The following EPHX4 variants were observed in gnomAD, a reference collection of about 807,000 sequenced individuals.
EPHX4 encodes the protein epoxide hydrolase 4.
In EPHX4, 31 loss-of-function variants were observed where a neutral mutation model predicts 44.9. The ratio of observed to expected loss-of-function variants is 0.69; its 90% confidence interval spans 0.52 to 0.93. EPHX4 has a LOEUF of 0.93. EPHX4 is among the 40% of genes least tolerant of loss of function. The pLI is 0.00. For synonymous variants in EPHX4, 151 were observed against 159.7 expected, an observed-to-expected ratio of 0.95 and a Z score of 0.41; for missense variants, 373 against 438.1, an observed-to-expected ratio of 0.85 and a Z score of 1.33.
chr1:92,042,512 C>T (rs1570691030), intron 2 of EPHX4, among the ~76,000 whole-genome samples: 1 of 151,830 alleles, frequency 6.6e-6, no homozygotes, highest in African/African-American at 2.4e-5. Flanking sequence ...TCACTTGAGC[C>T]CAGAAGTTTG....
In EPHX4 at chr1:92,049,295, T is replaced by C. The variant is rs1358107622; in HGVS notation, c.605-1022T>C. 8.5e-5 allele frequency among the ~76,000 whole-genome samples: 13 copies of C among 152,244 alleles called. 1 individual carries two copies. In the South Asian group the frequency reaches 1.9e-3, roughly 22 times the overall value. On this transcript the variant is annotated intron_variant, in intron 4 of 6. Coordinates refer to ENST00000370383, the MANE Select transcript of EPHX4 (RefSeq NM_173567.5). ...TTGCACAGCTGACTCCCTGTAACCATTCAGGATTCAGCAAACATCACATCC... is the reference window on the plus strand; with the variant it reads ...TTGCACAGCTGACTCCCTGTAACCACTCAGGATTCAGCAAACATCACATCC...
rs1290665483 is a variant in EPHX4 at position 92,063,138 on chromosome 1, T to C, written c.941T>C (p.Met314Thr). ...GENDAFMEVE[M>T]AEVTKIYVKN... ...AATGACGCATTCATGGAGGTTGAGA[T>C]GGCTGAAGTCACAAAGATTTATGTT... is the stretch of plus-strand genomic sequence containing the variant. The change falls in exon 7 of 7, where the codon ATG becomes ACG. Residue 314 changes from methionine to threonine, a missense_variant. By Grantham distance (81) the Met-to-Thr change is moderately conservative. Coordinates refer to ENST00000370383, the MANE Select transcript of EPHX4 (RefSeq NM_173567.5). 2.5e-6 allele frequency: 4 copies of C among 1,614,200 alleles called. No homozygotes were observed. The highest frequency in any genetic ancestry group is 1.1e-5 in the South Asian group (1 of 91,086).
At chr1:92,043,518 GA>G (rs1304309442) in intron 3 of EPHX4, 7 of 149,942 alleles carry the variant, frequency 4.7e-5, no homozygotes, top group Non-Finnish European at 1.0e-4. Context: ...AATAATTATT[GA>G]AAAGTTTATA....
Position 92,050,330 on chromosome 1 carries a change from A to G in EPHX4, c.618A>G (p.Arg206=). ...TTTTAATTTCAGAATATATTTTACG[A>G]CACCCTGCTCAGCTGTTGAAATCCA... ...HPNVFTEYIL[R]HPAQLLKSSY... Residue 206 remains arginine, a synonymous_variant, in exon 5 of 7, where the codon CGA becomes CGG. Coordinates refer to ENST00000370383, the MANE Select transcript of EPHX4 (RefSeq NM_173567.5). 6 of 1,601,228 alleles carry G rather than the reference A, an allele frequency of 3.7e-6. No individual in the cohort carries two copies. Among genetic ancestry groups the G allele is most frequent in the Non-Finnish European group, 5.1e-6 (6 of 1,172,912 alleles).
intron 5 of EPHX4, among the ~76,000 whole-genome samples, chr1:92,052,150 C>G (rs553281254): frequency 3.9e-5 from 6 of 152,176 alleles, no homozygotes; most frequent in Admixed American, 1.3e-4. Context: ...TGATAGCTTG[C>G]CTCCTCAATG....
intron 2 of EPHX4, among the ~76,000 whole-genome samples, chr1:92,038,731 T>C (rs1022642969): frequency 6.6e-6 from 1 of 152,000 alleles, no homozygotes; most frequent in Non-Finnish European, 1.5e-5. Context: ...TATGGGGTAA[T>C]AGGGGAATGG....
intron 2 of EPHX4, among the ~76,000 whole-genome samples, chr1:92,035,863 C>T (rs1170770702): frequency 6.6e-6 from 1 of 152,166 alleles, no homozygotes; most frequent in Non-Finnish European, 1.5e-5. Flanking sequence ...AGCCCCATAG[C>T]TACCCTTCTG....
intron 5 of EPHX4, among the ~76,000 whole-genome samples, chr1:92,052,151 CT>C (rs1162843412): frequency 6.6e-6 from 1 of 152,000 alleles, no homozygotes; most frequent in Non-Finnish European, 1.5e-5. Flanking sequence ...GATAGCTTGC[CT>C]CCTCAATGCC....
At chr1:92,043,903 CA>C (rs1688548234) in intron 3 of EPHX4, 1 of 152,180 alleles carries the variant, frequency 6.6e-6, no homozygotes, top group Non-Finnish European at 1.5e-5. Flanking sequence ...GCCCATTAGT[CA>C]AAGCAAGTCA....
intron 6 of EPHX4, among the ~76,000 whole-genome samples, chr1:92,059,887 C>T (rs1647451412): frequency 6.7e-6 from 1 of 149,170 alleles, no homozygotes; most frequent in African/African-American, 2.5e-5. Flanking sequence ...GACAGGGTCT[C>T]ACTTTGTTGT....
intron 6 of EPHX4, 78 bp from the exon 7 acceptor site, chr1:92,062,977 G>T: frequency 8.0e-7 from 1 of 1,243,574 alleles, no homozygotes; most frequent in South Asian, 1.4e-5. Flanking sequence ...AAGAATGTAT[G>T]ACCTACTGGG....
At chr1:92,030,336 G>C in intron 1 of EPHX4, 26 bp downstream of exon 1, 2 of 1,469,130 alleles carry the variant, frequency 1.4e-6, no homozygotes, top group Non-Finnish European at 9.0e-7. Flanking sequence ...GGCCTGGCGG[G>C]AGCGGGAGGG....
At chr1:92,030,498 G>C (rs1409502872) in intron 1 of EPHX4, among the ~76,000 whole-genome samples, 188 bp downstream of exon 1, 5 of 151,534 alleles carry the variant, frequency 3.3e-5, no homozygotes, top group African/African-American at 1.2e-4. Context: ...GAGAGAGAGA[G>C]AGAGAGAGAG....
At chr1:92,033,843 CT>C (rs1317966157) in intron 2 of EPHX4, among the ~76,000 whole-genome samples, 2 of 151,872 alleles carry the variant, frequency 1.3e-5, no homozygotes, top group East Asian at 3.9e-4. Context: ...AACATGGTGC[CT>C]TGTTGATGTG....
intron 6 of EPHX4, 98 bp from the exon 7 acceptor site, chr1:92,062,957 T>C (rs1438480595): frequency 2.0e-6 from 2 of 1,023,630 alleles, no homozygotes; most frequent in Non-Finnish European, 2.9e-6. Context: ...GAGGCAAGAT[T>C]GCTCACTTCA....
At chr1:92,030,485 T>TGTGTGTGTGTGTGTGTGAGA (rs1326928763) in intron 1 of EPHX4, among the ~76,000 whole-genome samples, 175 bp downstream of exon 1, 18 of 138,648 alleles carry the variant, frequency 1.3e-4, no homozygotes, top group African/African-American at 4.7e-4. Context: ...TGTGTGTGTG[T>TGTGTGTGTGTGTGTGTGAGA]GAGAGAGAGA....
intron 3 of EPHX4, chr1:92,043,819 T>G (rs2101869959): frequency 6.6e-6 from 1 of 152,354 alleles, no homozygotes; most frequent in East Asian, 1.9e-4. Flanking sequence ...AGGGAGTGGC[T>G]GCCTGAGGGA....
intron 6 of EPHX4, among the ~76,000 whole-genome samples, chr1:92,059,385 C>T (rs1193911152): frequency 1.3e-5 from 2 of 151,950 alleles, no homozygotes; most frequent in Non-Finnish European, 2.9e-5. Flanking sequence ...TGCGGTGAGC[C>T]CAGATCCGTC....
rs199866458 is a variant in EPHX4 at position 92,030,069 on chromosome 1, G to A, written c.-11G>A. ...CCGAGGAAGGGCAGTGGGCCCCGCC[G>A]CCGCCTCCCAATGGCGAGGCTGCGG... On this transcript the variant is annotated 5_prime_UTR_variant, in exon 1 of 7. Coordinates refer to ENST00000370383, the MANE Select transcript of EPHX4 (RefSeq NM_173567.5). 8.4e-5 allele frequency: 132 copies of A among 1,570,042 alleles called. No individual in the cohort carries two copies. In the East Asian group the frequency reaches 2.4e-3, roughly 29 times the overall value.
Sources: allele counts gnomAD v4.1 joint callset (sites outside exome capture counted in the v4.1 genomes callset), GRCh38; gene constraint gnomAD v4.1.1; transcripts MANE v1.5; gene names NCBI Gene and HGNC (gene_info 2026-07-23, HGNC 2026-07-21).